TMTC3: variants seen among roughly 807,000 people sequenced by gnomAD.
The protein encoded by TMTC3 is protein O-mannosyl-transferase TMTC3.
A neutral mutation model predicts 92.2 loss-of-function variants in TMTC3; 52 were observed. The observed-to-expected ratio is 0.56, with a 90% CI of 0.45 to 0.71. TMTC3 has a LOEUF of 0.71. Ranked by LOEUF, TMTC3 falls within the 30% of genes least tolerant of loss-of-function variation. The probability of loss-of-function intolerance (pLI) is 0.00; values close to 1 mark genes in which losing one functional copy is unlikely to be tolerated. For synonymous variants in TMTC3, 339 were observed against 363.3 expected (o/e 0.93, Z 0.76); for missense variants, 896 against 1,057.1 (o/e 0.85, Z 2.11).
chr12:88,160,042 G>T, intron 4 of TMTC3, 72 bp from the exon 5 acceptor site: 1 of 1,041,378 alleles, frequency 9.6e-7, no homozygotes, highest in Non-Finnish European at 1.4e-6. Flanking sequence ...GAATCACAAA[G>T]TTTAAAATAT....
At chr12:88,176,884 T>G (rs553099215) in intron 10 of TMTC3, among the ~76,000 whole-genome samples, 61 of 152,278 alleles carry the variant, frequency 4.0e-4, no homozygotes, top group African/African-American at 1.3e-3. Context: ...TGCAAAAGCC[T>G]GATAGTAGTG....
At position 88,193,793 on chromosome 12, in the gene TMTC3, G is replaced by T. The variant is rs559678443; in HGVS notation, c.1933+963G>T. On this transcript the variant is annotated intron_variant, in intron 13 of 13. Coordinates refer to ENST00000266712, the MANE Select transcript of TMTC3 (RefSeq NM_181783.4). Reference sequence around the variant, plus strand: ...AATTTGGAGAAAAGCTAATATTTTTGTAAGGTTTTCTACCTTGATAATCAT... The same window carrying T: ...AATTTGGAGAAAAGCTAATATTTTTTTAAGGTTTTCTACCTTGATAATCAT... Among the ~76,000 whole-genome samples the T allele has an allele frequency of 3.9e-5, 6 of 152,262 alleles. No individual in the cohort carries two copies. The South Asian group carries it at 1.0e-3, about 26-fold the overall frequency.
intron 4 of TMTC3, 50 bp from the exon 5 acceptor site, chr12:88,160,064 A>G: frequency 2.4e-6 from 3 of 1,230,858 alleles, no homozygotes. Flanking sequence ...TTTTTTTGAT[A>G]TTATAAAATT....
chr12:88,156,814 T>G (rs1412194827), intron 4 of TMTC3, among the ~76,000 whole-genome samples: 12 of 150,274 alleles, frequency 8.0e-5, no homozygotes, highest in African/African-American at 2.4e-4. Context: ...TGTGTGTGTT[T>G]TTTTTTTTTT....
chr12:88,194,008 G>A (rs887663154), intron 13 of TMTC3, among the ~76,000 whole-genome samples: 6 of 151,982 alleles, frequency 3.9e-5, no homozygotes, highest in South Asian at 2.1e-4. Context: ...GATCACTAGA[G>A]GCCAAGAGTT....
At chr12:88,171,868 T>G (rs2041208692) in intron 7 of TMTC3, among the ~76,000 whole-genome samples, 2 of 152,164 alleles carry the variant, frequency 1.3e-5, no homozygotes, top group South Asian at 4.1e-4. Context: ...ATTTGTTATC[T>G]TTTGACTTTT....
In TMTC3 at chr12:88,151,970, A is replaced by G. The variant is rs191186309; in HGVS notation, c.190-1321A>G. 2.0e-4 allele frequency among the ~76,000 whole-genome samples: 31 copies of G among 152,298 alleles called. No homozygotes were observed. The East Asian group carries it at 6.0e-3, about 29-fold the overall frequency. On this transcript the variant is annotated intron_variant, in intron 2 of 13. Coordinates refer to ENST00000266712, the MANE Select transcript of TMTC3 (RefSeq NM_181783.4). Reference sequence around the variant, plus strand: ...AAAATGTTCCTAATTTCAAGATGAGAAAGATTTATTCTTTGTGTTTCCTAA... The same window carrying G: ...AAAATGTTCCTAATTTCAAGATGAGGAAGATTTATTCTTTGTGTTTCCTAA...
intron 6 of TMTC3, among the ~76,000 whole-genome samples, chr12:88,164,569 T>C (rs944211129): frequency 6.6e-6 from 1 of 152,210 alleles, no homozygotes; most frequent in African/African-American, 2.4e-5. Flanking sequence ...AAGCAGAAGA[T>C]ATAGTGAATT....
Position 88,197,164 on chromosome 12 carries a change from A to T in TMTC3, c.*1515A>T, listed in dbSNP as rs1002682255. ...ATATGTTTCAAAAACCATATCCTGTATTTTTTTTAAGAATTGTTTTATAAA... is the reference window on the plus strand; with the variant it reads ...ATATGTTTCAAAAACCATATCCTGTTTTTTTTTTAAGAATTGTTTTATAAA... On this transcript the variant is annotated 3_prime_UTR_variant, in exon 14 of 14. Transcript: ENST00000266712. 1.3e-5 allele frequency: 2 copies of T among 149,420 alleles called. No individual in the cohort carries two copies. Among genetic ancestry groups the T allele is most frequent in the African/African-American group, 2.5e-5 (1 of 40,442 alleles). 9.3% of individuals were successfully genotyped at this position (149,420 alleles called of 1,614,324 possible).
chr12:88,160,537 T>C, intron 5 of TMTC3, 142 bp from the exon 6 acceptor site: 2 of 784,498 alleles, frequency 2.5e-6, no homozygotes, highest in Non-Finnish European at 2.0e-6. Context: ...CTCAGTTTTA[T>C]TCATTATTAG....
At chr12:88,181,598 A>C (rs2041318616) in intron 10 of TMTC3, among the ~76,000 whole-genome samples, 1 of 152,090 alleles carries the variant, frequency 6.6e-6, no homozygotes, top group African/African-American at 2.4e-5. Context: ...TAAAAATAGG[A>C]TATGTACATT....
chr12:88,160,941 G>T, intron 6 of TMTC3, 90 bp downstream of exon 6: 38 of 1,314,818 alleles, frequency 2.9e-5, no homozygotes, highest in East Asian at 1.2e-4. Flanking sequence ...ATTTTATTTT[G>T]TTTTTTAACA....
At chr12:88,151,347 A>C (rs1014044535) in intron 2 of TMTC3, among the ~76,000 whole-genome samples, 3 of 152,184 alleles carry the variant, frequency 2.0e-5, no homozygotes, top group Admixed American at 2.0e-4. Flanking sequence ...ATTGAGATTC[A>C]CATTAACAGG....
rs2041493370 is a variant in TMTC3 at position 88,195,039 on chromosome 12, A to G, written c.2135A>G (p.Tyr712Cys). 6.2e-7 allele frequency: 1 copy of G among 1,613,888 alleles called. No individual in the cohort carries two copies. Among genetic ancestry groups the G allele is most frequent in the South Asian group, 1.1e-5 (1 of 91,076 alleles). Residue 712 changes from tyrosine (Y) to cysteine (C), a missense_variant, in exon 14 of 14, where the codon TAT becomes TGT. Tyr to Cys is a radical substitution (Grantham distance 194, BLOSUM62 -2). Coordinates refer to ENST00000266712, the MANE Select transcript of TMTC3 (RefSeq NM_181783.4). ...RSALFNLALLYSQTAKELKAL... is the reference protein window; with the variant it reads ...RSALFNLALLCSQTAKELKAL... Reference sequence around the variant, plus strand: ...GCTTTGTTTAATCTGGCTCTCCTGTATTCCCAGACTGCAAAGGAATTAAAG... The same window carrying G: ...GCTTTGTTTAATCTGGCTCTCCTGTGTTCCCAGACTGCAAAGGAATTAAAG...
intron 7 of TMTC3, among the ~76,000 whole-genome samples, chr12:88,167,304 G>A (rs763988819): frequency 2.6e-5 from 4 of 151,900 alleles, no homozygotes; most frequent in Non-Finnish European, 5.9e-5. Flanking sequence ...CTCAGGAGGC[G>A]GAGGCACAAG....
At chr12:88,190,257 A>T (rs570955137) in intron 11 of TMTC3, among the ~76,000 whole-genome samples, 196 bp from the exon 12 acceptor site, 27 of 152,108 alleles carry the variant, frequency 1.8e-4, no homozygotes, top group Admixed American at 5.2e-4. Context: ...TCTTTTTCTG[A>T]AGTCAAACAA....
At chr12:88,185,282 A>C (rs1289495260) in intron 10 of TMTC3, among the ~76,000 whole-genome samples, 1 of 151,706 alleles carries the variant, frequency 6.6e-6, no homozygotes, top group African/African-American at 2.4e-5. Context: ...CTATCACTAC[A>C]GATAATGTGC....
At chr12:88,178,332 T>C (rs1335140911) in intron 10 of TMTC3, among the ~76,000 whole-genome samples, 1 of 152,202 alleles carries the variant, frequency 6.6e-6, no homozygotes, top group African/African-American at 2.4e-5. Context: ...ATTAATGTCC[T>C]GTACTTCCTT....
intron 2 of TMTC3, among the ~76,000 whole-genome samples, chr12:88,150,914 T>A (rs2138362561): frequency 6.6e-6 from 1 of 152,274 alleles, no homozygotes; most frequent in South Asian, 2.1e-4. Context: ...TGGACTCATG[T>A]GAACCTCTCA....
Sources: allele counts gnomAD v4.1 joint callset (sites outside exome capture counted in the v4.1 genomes callset), GRCh38; gene constraint gnomAD v4.1.1; transcripts MANE v1.5; gene names NCBI Gene and HGNC (gene_info 2026-07-23, HGNC 2026-07-21).